AGBL4: variants seen among roughly 807,000 people sequenced by gnomAD.
AGBL4 encodes the protein AGBL carboxypeptidase 4, also known as cytosolic carboxypeptidase 6.
A neutral mutation model predicts 66.4 loss-of-function variants in AGBL4; 58 were observed. The observed-to-expected ratio is 0.87, with a 90% confidence interval of 0.71 to 1.09. The LOEUF (loss-of-function observed/expected upper bound fraction) is 1.09. AGBL4 is among the 50% of genes least tolerant of loss of function. The probability of loss-of-function intolerance (pLI) is 0.00; values close to 1 mark genes in which losing one functional copy is unlikely to be tolerated. For missense variants in AGBL4, 579 were observed against 631.0 expected, an observed-to-expected ratio of 0.92 and a Z score of 0.88; for synonymous variants, 234 against 222.9, an observed-to-expected ratio of 1.05 and a Z score of -0.44.
At chr1:49,079,627 G>C (rs1644772799) in intron 4 of AGBL4, among the ~76,000 whole-genome samples, 1 of 152,134 alleles carries the variant, frequency 6.6e-6, no homozygotes, top group Non-Finnish European at 1.5e-5. Flanking sequence ...GATTTGGGTA[G>C]GGACACAGAG....
At chr1:48,963,468 C>T (rs936028602) in intron 5 of AGBL4, among the ~76,000 whole-genome samples, 3 of 151,790 alleles carry the variant, frequency 2.0e-5, no homozygotes, top group African/African-American at 7.3e-5. Context: ...AAGGCAGCAG[C>T]GTCAATGACA....
intron 3 of AGBL4, among the ~76,000 whole-genome samples, chr1:49,561,365 G>A (rs1164831806): frequency 6.6e-6 from 1 of 151,262 alleles, no homozygotes; most frequent in African/African-American, 2.4e-5. Flanking sequence ...CAACATGCAG[G>A]TTACATATGT....
chr1:49,439,633 C>T (rs1371893453), intron 3 of AGBL4, among the ~76,000 whole-genome samples: 1 of 152,144 alleles, frequency 6.6e-6, no homozygotes, highest in African/African-American at 2.4e-5. Context: ...AATTCAGACT[C>T]ACCCTTAATC....
At chr1:49,364,993 C>A (rs1346737426) in intron 3 of AGBL4, among the ~76,000 whole-genome samples, 2 of 151,976 alleles carry the variant, frequency 1.3e-5, no homozygotes, top group Non-Finnish European at 2.9e-5. Flanking sequence ...TTCCTGGCAC[C>A]TAGTATATAT....
At chr1:49,650,179 T>C (rs1645974401) in intron 3 of AGBL4, among the ~76,000 whole-genome samples, 1 of 152,032 alleles carries the variant, frequency 6.6e-6, no homozygotes, top group Admixed American at 6.5e-5. Flanking sequence ...AGAAAGAAAT[T>C]CAAAGTTACA....
At chr1:49,227,014 C>G (rs1649963665) in intron 4 of AGBL4, among the ~76,000 whole-genome samples, 1 of 152,138 alleles carries the variant, frequency 6.6e-6, no homozygotes. Flanking sequence ...TAATCCCATT[C>G]ACCAAGGCTC....
intron 8 of AGBL4, among the ~76,000 whole-genome samples, chr1:48,641,323 T>C (rs1162035803): frequency 2.6e-5 from 4 of 152,082 alleles, no homozygotes; most frequent in Admixed American, 2.6e-4. Context: ...TGCTGTTGTG[T>C]AGATGGAGGA....
chr1:49,726,707 G>T (rs1649056594), intron 2 of AGBL4, among the ~76,000 whole-genome samples: 1 of 152,060 alleles, frequency 6.6e-6, no homozygotes, highest in South Asian at 2.1e-4. Flanking sequence ...ACAAACTACA[G>T]GAACCAGCAC....
At chr1:49,098,103 C>A (rs1645138994) in intron 4 of AGBL4, among the ~76,000 whole-genome samples, 1 of 152,188 alleles carries the variant, frequency 6.6e-6, no homozygotes, top group Admixed American at 6.5e-5. Context: ...TGAACTGTGG[C>A]TCTGTTACTT....
chr1:49,727,505 TATTTTAACAG>T (rs1465008804), intron 2 of AGBL4, among the ~76,000 whole-genome samples: 2 of 152,206 alleles, frequency 1.3e-5, no homozygotes, highest in Non-Finnish European at 2.9e-5. Context: ...TCTCTGAGGC[TATTTTAACAG>T]AAATTTGAAC....
chr1:49,141,746 A>G (rs1455807200), intron 4 of AGBL4, among the ~76,000 whole-genome samples: 2 of 152,202 alleles, frequency 1.3e-5, no homozygotes, highest in African/African-American at 4.8e-5. Flanking sequence ...TACTTTAAGT[A>G]TAATAAGAAG....
At chr1:48,742,423 A>AG (rs56653741) in intron 6 of AGBL4, among the ~76,000 whole-genome samples, 103,447 of 151,958 alleles carry the variant, frequency 0.68, 36,193 homozygotes, top group Middle Eastern at 0.81. Flanking sequence ...AAAGAAAGAA[A>AG]AAAAAAAGGA....
rs529790786 is a variant in AGBL4, at chr1:48,779,528, C to T, written c.634+87663G>A. On this transcript the variant is annotated intron_variant, in intron 6 of 13. Coordinates refer to ENST00000371839, the MANE Select transcript of AGBL4 (RefSeq NM_032785.4). The stretch of plus-strand genomic sequence containing the variant: ...TTTGTCCCAGCACTTTTTATCTTCC[C>T]TCACTAGAATAAGAGCTCTTTGAGG... Among the ~76,000 whole-genome samples the T allele has an allele frequency of 3.3e-5, 5 of 152,238 alleles. No individual in the cohort carries two copies. The East Asian group carries it at 5.8e-4, about 18-fold the overall frequency.
intron 6 of AGBL4, among the ~76,000 whole-genome samples, chr1:48,799,805 G>A (rs1645768759): frequency 2.6e-5 from 4 of 151,950 alleles, no homozygotes; most frequent in Admixed American, 1.3e-4. Context: ...CACATTTATC[G>A]ACTTGCATAT....
intron 4 of AGBL4, among the ~76,000 whole-genome samples, chr1:49,056,664 G>A (rs1229312264): frequency 2.0e-5 from 3 of 152,088 alleles, no homozygotes; most frequent in African/African-American, 7.2e-5. Context: ...TCTTTGGTAA[G>A]AGTTTTATCT....
At chr1:49,986,254 C>A (rs992945516) in intron 1 of AGBL4, among the ~76,000 whole-genome samples, 1 of 152,046 alleles carries the variant, frequency 6.6e-6, no homozygotes, top group Non-Finnish European at 1.5e-5. Context: ...CAAAAGTAAA[C>A]CCTGTTCTGA....
chr1:49,988,940 T>A (rs548819681), intron 1 of AGBL4, among the ~76,000 whole-genome samples: 1 of 152,326 alleles, frequency 6.6e-6, no homozygotes, highest in East Asian at 1.9e-4. Context: ...ACTTTTTGAA[T>A]ATCCAGATAA....
intron 3 of AGBL4, among the ~76,000 whole-genome samples, chr1:49,556,760 G>A (rs1304600937): frequency 1.3e-5 from 2 of 152,020 alleles, no homozygotes; most frequent in Non-Finnish European, 2.9e-5. Flanking sequence ...GGAGCAGGGG[G>A]CGAGGTCCGT....
chr1:48,643,049 A>T (rs1279732200), intron 8 of AGBL4, among the ~76,000 whole-genome samples: 2 of 152,198 alleles, frequency 1.3e-5, no homozygotes, highest in East Asian at 3.9e-4. Flanking sequence ...TGAGGACTCA[A>T]TGAAATCATA....
Sources: allele counts gnomAD v4.1 joint callset (sites outside exome capture counted in the v4.1 genomes callset), GRCh38; gene constraint gnomAD v4.1.1; transcripts MANE v1.5; gene names NCBI Gene and HGNC (gene_info 2026-07-23, HGNC 2026-07-21).